PTCH2: variants seen among roughly 807,000 people sequenced by gnomAD.
The protein encoded by PTCH2 is protein patched homolog 2.
In PTCH2, 96 loss-of-function variants were observed where a neutral mutation model predicts 117.9. The ratio of observed to expected loss-of-function variants is 0.81; its 90% CI spans 0.69 to 0.96. The LOEUF is 0.96. Among genes scored for constraint, PTCH2 ranks in the 50% least tolerant of loss-of-function variants. The probability of loss-of-function intolerance (pLI) is 0.00; values close to 1 mark genes in which losing one functional copy is unlikely to be tolerated. For synonymous variants in PTCH2, 615 were observed against 660.9 expected, an observed-to-expected ratio of 0.93 and a Z score of 1.06; for missense variants, 1,379 against 1,562.5, an observed-to-expected ratio of 0.88 and a Z score of 1.98.
At position 44,826,623 on chromosome 1, in the gene PTCH2, G is replaced by C. The variant is rs757569127; in HGVS notation, c.2841C>G (p.Ser947Arg). The C allele has an allele frequency of 1.2e-6, 2 of 1,613,028 alleles. No homozygotes were observed. The highest frequency in any genetic ancestry group is 1.7e-6 in the Non-Finnish European group (2 of 1,179,990). Residue 947 changes from serine (S) to arginine (R), a missense_variant, in exon 18 of 22, where the codon AGC becomes AGG. Coordinates refer to ENST00000372192, the MANE Select transcript of PTCH2 (RefSeq NM_003738.5). This position sits in a 1 kb window ranked among gnomAD's most constrained non-coding sequence, Gnocchi z 5.1. ...AGQAGVHAYP[S>R]GSPFLFWEQY... ...GTTCCCAGAAGAGGAAGGGGGAGCCGCTGGGGTAGGCGTGCACCCCAGCCT... is the reference window on the plus strand; with the variant it reads ...GTTCCCAGAAGAGGAAGGGGGAGCCCCTGGGGTAGGCGTGCACCCCAGCCT...
Position 44,823,280 on chromosome 1 carries a change from G to A in PTCH2, c.3220C>T (p.Leu1074Phe), listed in dbSNP as rs1374831734. 6.2e-7 allele frequency: 1 copy of A among 1,614,224 alleles called. No individual in the cohort carries two copies. ...TCAAAGTGGGAACCAGCAAGCATGA[G>A]CAGACCCAGCAATGTGGAGATGGCC... is the stretch of plus-strand genomic sequence containing the variant. ...DGAISTLLGL[L>F]MLAGSHFDFI... The change falls in exon 20 of 22, where the codon CTC becomes TTC. Residue 1074 changes from leucine (L) to phenylalanine (F), a missense_variant. Transcript: ENST00000372192. This position sits in a 1 kb window ranked among gnomAD's most constrained non-coding sequence, Gnocchi z 5.1.
downstream of PTCH2, chr1:44,821,779 C>G: frequency 7.6e-7 from 1 of 1,322,260 alleles, no homozygotes; most frequent in Non-Finnish European, 1.0e-6. Context: ...ATGATGTTAC[C>G]AAGTATATGA....
chr1:44,822,979 G>T (rs1169078975), intron 21 of PTCH2, 90 bp downstream of exon 21: 3 of 1,421,462 alleles, frequency 2.1e-6, no homozygotes, highest in Non-Finnish European at 2.9e-6. Context: ...GTACCTGTCT[G>T]TGGGCCACAG....
rs1653006054 is a variant in PTCH2 at position 44,823,484 on chromosome 1, T to C, written c.3115-99A>G. The stretch of plus-strand genomic sequence containing the variant: ...CTGTCTTCAGAGCTCAACGATACCT[T>C]GGCCCACCAAAGGCTGGGTGAACTA... On this transcript the variant is annotated intron_variant, in intron 19 of 21. Transcript: ENST00000372192. This position sits in a 1 kb window ranked among gnomAD's most constrained non-coding sequence, Gnocchi z 5.1. 2 of 1,549,182 alleles carry C rather than the reference T, an allele frequency of 1.3e-6. No individual in the cohort carries two copies. Among genetic ancestry groups the C allele is most frequent in the Admixed American group, 3.5e-5 (2 of 56,608 alleles).
chr1:44,832,065 G>A (rs1282824381), intron 3 of PTCH2, 21 bp from the exon 4 acceptor site: 2 of 1,612,530 alleles, frequency 1.2e-6, no homozygotes, highest in Non-Finnish European at 1.7e-6. Context: ...CAGGGGCATA[G>A]GAGATCAGCA....
At chr1:44,836,867 G>GT in intron 2 of PTCH2, among the ~76,000 whole-genome samples, 1 of 152,242 alleles carries the variant, frequency 6.6e-6, no homozygotes. Context: ...CAGGAGTACT[G>GT]TGTGAGCCTA....
chr1:44,822,364 C>G lies in PTCH2; in HGVS notation c.*51G>C. ...GCGTCTAACACCAGACCCAGTGCTT[C>G]CCAGTGACCCCACACGCCCCACACA... On this transcript the variant is annotated 3_prime_UTR_variant, in exon 22 of 22. Transcript: ENST00000372192. 6.2e-7 allele frequency: 1 copy of G among 1,611,478 alleles called. No homozygotes were observed. The highest frequency in any genetic ancestry group is 1.1e-5 in the South Asian group (1 of 91,076).
At chr1:44,834,329 G>C (rs576335406) in intron 2 of PTCH2, among the ~76,000 whole-genome samples, 3 of 151,834 alleles carry the variant, frequency 2.0e-5, no homozygotes, top group African/African-American at 7.3e-5. Flanking sequence ...CACCCTGTTC[G>C]CCAGGCTGAT....
intron 19 of PTCH2, among the ~76,000 whole-genome samples, chr1:44,825,620 G>A (rs1209197031): frequency 1.3e-5 from 2 of 151,818 alleles, no homozygotes; most frequent in African/African-American, 4.8e-5. Context: ...TCCGCCTCCT[G>A]GGTTCAAGTA....
Position 44,843,111 on chromosome 1 carries a change from A to C in PTCH2, c.-179T>G. 1 of 1,351,782 alleles carries C rather than the reference A, an allele frequency of 7.4e-7. No homozygotes were observed. The highest frequency in any genetic ancestry group is 1.9e-5 in the South Asian group (1 of 53,726). The allele number at this position is 1,351,782 out of a possible 1,614,324, so 83.7% of individuals were successfully genotyped here. On this transcript the variant is annotated 5_prime_UTR_variant, in exon 1 of 22. Transcript: ENST00000372192. Reference sequence around the variant, plus strand: ...TAAAGCGGCTGGGAGGGAGGAGTGCAGGGAGCTGCGGGTCCGGGGCGCGGC... The same window carrying C: ...TAAAGCGGCTGGGAGGGAGGAGTGCCGGGAGCTGCGGGTCCGGGGCGCGGC...
At position 44,826,127 on chromosome 1, in the gene PTCH2, T is replaced by C. The variant is rs983226038; in HGVS notation, c.3114+123A>G. On this transcript the variant is annotated intron_variant, in intron 19 of 21. Transcript: ENST00000372192. The surrounding 1 kb of genome is among the most constrained non-coding windows in gnomAD (Gnocchi z 5.1). ...TCCCAAAGTGCTGGGATTACAGGAA[T>C]GAGCTACCACGTCCACCCAGCCCAA... 3.0e-6 allele frequency: 4 copies of C among 1,324,222 alleles called. No homozygotes were observed. The African/African-American group carries it at 5.8e-5, about 19-fold the overall frequency. 82.0% of individuals were successfully genotyped at this position (1,324,222 alleles called of 1,614,324 possible). A position where few individuals can be genotyped will look rare whatever the true frequency, so the allele number is the denominator to read the frequency against.
chr1:44,833,438 C>CTT (rs779956039), intron 2 of PTCH2, among the ~76,000 whole-genome samples: 26,734 of 136,238 alleles, frequency 0.2, 2,941 homozygotes, highest in African/African-American at 0.26. Flanking sequence ...ATCTCTTTTC[C>CTT]TTTTTTTTTT....
chr1:44,829,901 G>C lies in PTCH2; in HGVS notation c.935+8C>G. The C allele has an allele frequency of 6.2e-7, 1 of 1,614,078 alleles. No individual in the cohort carries two copies. The highest frequency in any genetic ancestry group is 8.5e-7 in the Non-Finnish European group (1 of 1,179,944). On this transcript the variant is annotated splice_region_variant and intron_variant, in intron 7 of 21. Transcript: ENST00000372192. ...AGTCCCCTCACCAACTCCCAGAGGA[G>C]ACCCTACCTCAGCAGCTCTCCTTGG...
Position 44,841,981 on chromosome 1 carries a change from A to G in PTCH2, c.131T>C (p.Leu44Pro), listed in dbSNP as rs759288449. The change falls in exon 2 of 22, where the codon CTC becomes CCC. Residue 44 changes from leucine to proline, a missense_variant. Leu to Pro is a moderately conservative substitution (Grantham distance 98). Coordinates refer to ENST00000372192, the MANE Select transcript of PTCH2 (RefSeq NM_003738.5). ...LWLRAYFQGL[L>P]FSLGCGIQRH... ...CTGGATCCCGCATCCCAGAGAGAAG[A>G]GCAGGCCCTGGAAGTAAGCACGAAG... 6.2e-7 allele frequency: 1 copy of G among 1,614,166 alleles called. No homozygotes were observed. Among genetic ancestry groups the G allele is most frequent in the Admixed American group, 1.7e-5 (1 of 60,022 alleles).
At chr1:44,820,706 T>C, downstream of PTCH2, 1 of 718,132 alleles carries the variant, frequency 1.4e-6, no homozygotes, top group Non-Finnish European at 2.6e-6. Flanking sequence ...TCCTCGGGCC[T>C]GGAAAGATGA....
chr1:44,831,774 G>C lies in PTCH2; in HGVS notation c.549C>G (p.Cys183Trp). The C allele has an allele frequency of 6.3e-7, 1 of 1,597,342 alleles. No homozygotes were observed. Among genetic ancestry groups the C allele is most frequent in the East Asian group, 2.3e-5 (1 of 43,894 alleles). ...IERMIEKLFP[C>W]VILTPLDCFW... ...AGCAGTCGAGGGGGGTGAGGATCAC[G>C]CACGGAAACAGCTTCTCAATCATCT... is the stretch of plus-strand genomic sequence containing the variant. Residue 183 changes from cysteine (C) to tryptophan (W), a missense_variant, in exon 5 of 22, where the codon TGC becomes TGG. Physicochemically the swap from Cys to Trp is radical, Grantham distance 215. Transcript: ENST00000372192. This position sits in a 1 kb window ranked among gnomAD's most constrained non-coding sequence, Gnocchi z 4.3.
chr1:44,837,576 T>C (rs1276380778), intron 2 of PTCH2, among the ~76,000 whole-genome samples: 2 of 152,052 alleles, frequency 1.3e-5, no homozygotes, highest in African/African-American at 2.4e-5. Context: ...TTTAATTTTT[T>C]AGAAATAGAG....
chr1:44,841,027 C>T (rs1250050950), intron 2 of PTCH2, among the ~76,000 whole-genome samples: 4 of 151,450 alleles, frequency 2.6e-5, no homozygotes, highest in Admixed American at 6.6e-5. Context: ...AAAAATTAGC[C>T]GGGTGTGTTG....
downstream of PTCH2, among the ~76,000 whole-genome samples, chr1:44,821,433 C>G (rs1259496516): frequency 6.6e-6 from 1 of 152,244 alleles, no homozygotes; most frequent in African/African-American, 2.4e-5. Flanking sequence ...GGAGGTTGCT[C>G]TGGAACCTGG....
Sources: gnomAD v4.1 joint callset for allele counts (sites outside exome capture counted in the v4.1 genomes callset) on GRCh38, gnomAD v4.1.1 for gene constraint, Gnocchi (gnomAD v3.1) non-coding constraint, MANE v1.5 for transcripts, NCBI Gene and HGNC (gene_info 2026-07-23, HGNC 2026-07-21) for gene names.